Variants in PTPRQ observed in about 807,000 individuals in gnomAD.
The protein encoded by PTPRQ is protein tyrosine phosphatase receptor type Q, also known as phosphatidylinositol phosphatase PTPRQ.
A neutral mutation model predicts 246.0 loss-of-function variants in PTPRQ; 199 were observed. That is an observed-to-expected ratio of 0.81 (90% CI 0.72 to 0.91). The LOEUF (loss-of-function observed/expected upper bound fraction) is 0.91. Among genes scored for constraint, PTPRQ ranks in the 40% least tolerant of loss-of-function variants. The probability of loss-of-function intolerance (pLI) is 0.00; values close to 1 mark genes in which losing one functional copy is unlikely to be tolerated. For missense variants in PTPRQ, 2,624 were observed against 2,528.4 expected (o/e 1.04, Z -0.81); for synonymous variants, 869 against 853.2 (o/e 1.02, Z -0.32).
chr12:80,621,968 T>C (rs921382823), intron 32 of PTPRQ, 93 bp from the exon 33 acceptor site: 1 of 889,266 alleles, frequency 1.1e-6, no homozygotes, highest in Non-Finnish European at 1.6e-6. Flanking sequence ...TCTTTTGAAT[T>C]AAATAAATAG....
At chr12:80,669,787 T>C (rs929944738) in intron 41 of PTPRQ, among the ~76,000 whole-genome samples, 1 of 152,058 alleles carries the variant, frequency 6.6e-6, no homozygotes, top group African/African-American at 2.4e-5. Context: ...AATATCTGAC[T>C]TGAGACAGCA....
chr12:80,570,856 G>C (rs1018107346), intron 25 of PTPRQ, among the ~76,000 whole-genome samples: 3 of 152,110 alleles, frequency 2.0e-5, no homozygotes, highest in African/African-American at 7.2e-5. Context: ...TTTCCCCATT[G>C]CTTGTTTCTG....
At chr12:80,640,620 G>A (rs1414306494) in intron 35 of PTPRQ, among the ~76,000 whole-genome samples, 1 of 152,128 alleles carries the variant, frequency 6.6e-6, no homozygotes, top group Admixed American at 6.6e-5. Flanking sequence ...TTGTCATCCA[G>A]TAAGTTACTG....
chr12:80,616,546 G>A (rs1050160761), intron 30 of PTPRQ, among the ~76,000 whole-genome samples: 8 of 150,730 alleles, frequency 5.3e-5, no homozygotes, highest in South Asian at 2.1e-4. Flanking sequence ...TTTATAGTCC[G>A]TTATTTGATG....
At chr12:80,579,828 T>C (rs1035938273) in intron 25 of PTPRQ, among the ~76,000 whole-genome samples, 1 of 152,190 alleles carries the variant, frequency 6.6e-6, no homozygotes, top group Non-Finnish European at 1.5e-5. Context: ...ATTTAAAATT[T>C]CTAGAGACAA....
chr12:80,569,910 A>T (rs1167900835), intron 25 of PTPRQ, among the ~76,000 whole-genome samples: 1 of 151,968 alleles, frequency 6.6e-6, no homozygotes, highest in African/African-American at 2.4e-5. Context: ...AAGGACATGA[A>T]CTCATTCTTT....
chr12:80,513,670 C>T (rs1895192510), intron 17 of PTPRQ, among the ~76,000 whole-genome samples: 2 of 152,148 alleles, frequency 1.3e-5, no homozygotes, highest in Non-Finnish European at 2.9e-5. Flanking sequence ...CCCGCACTTC[C>T]CTGCCCCCAC....
chr12:80,568,784 CCAAT>C (rs1169214464), intron 25 of PTPRQ, among the ~76,000 whole-genome samples: 3 of 152,132 alleles, frequency 2.0e-5, no homozygotes, highest in Non-Finnish European at 4.4e-5. Flanking sequence ...TGCACAATGA[CCAAT>C]CAATGACAGA....
intron 6 of PTPRQ, among the ~76,000 whole-genome samples, chr12:80,461,441 G>A (rs1049918769): frequency 6.6e-6 from 1 of 152,042 alleles, no homozygotes; most frequent in Admixed American, 6.6e-5. Flanking sequence ...AGAATAATTA[G>A]ATATTATCAT....
intron 39 of PTPRQ, among the ~76,000 whole-genome samples, chr12:80,664,677 T>C (rs1281333354): frequency 6.6e-6 from 1 of 152,032 alleles, no homozygotes; most frequent in Non-Finnish European, 1.5e-5. Flanking sequence ...TCCCTTCTCT[T>C]ATTTCTTCAG....
intron 25 of PTPRQ, chr12:80,583,979 A>C (rs1442663404): frequency 1.3e-5 from 2 of 152,192 alleles, no homozygotes; most frequent in East Asian, 3.9e-4. Flanking sequence ...CTTGAGAGCC[A>C]ACAATAGAGA....
rs372370851 is a variant in PTPRQ, at chr12:80,654,036, TTTTC to T, written c.6115+1214_6115+1217del. Among the ~76,000 whole-genome samples, 1,348 of 147,242 alleles carry T rather than the reference TTTTC, an allele frequency of 9.2e-3. 16 individuals are homozygous for T. The highest frequency in any genetic ancestry group is 0.03 in the African/African-American group (1,110 of 37,080). On this transcript the variant is annotated intron_variant, in intron 38 of 44. Coordinates refer to ENST00000644991, the MANE Select transcript of PTPRQ (RefSeq NM_001145026.2). Reference sequence around the variant, plus strand: ...CTTTCTTTTTTTCTTTCTTTCTTTTTTTTCTTTCTTTCTTTTCTTTCTTTCTCTC... The same window carrying T: ...CTTTCTTTTTTTCTTTCTTTCTTTTTTTTCTTTCTTTTCTTTCTTTCTCTC...
chr12:80,561,767 A>T lies in PTPRQ; in HGVS notation c.4285+12033A>T, dbSNP rs77409642. Among the ~76,000 whole-genome samples, 1,456 of 151,916 alleles carry T rather than the reference A, an allele frequency of 9.6e-3. 18 individuals are homozygous for T. The highest frequency in any genetic ancestry group is 0.033 in the African/African-American group (1,380 of 41,396). ...TTTTGCTTCTTCCTTTCTCATCTGT[A>T]TGCCTTTTGTTTTTTCTGTCTTACT... On this transcript the variant is annotated intron_variant, in intron 25 of 44. Coordinates refer to ENST00000644991, the MANE Select transcript of PTPRQ (RefSeq NM_001145026.2).
intron 35 of PTPRQ, among the ~76,000 whole-genome samples, chr12:80,645,850 A>G (rs531553146): frequency 6.6e-6 from 1 of 152,138 alleles, no homozygotes; most frequent in Non-Finnish European, 1.5e-5. Flanking sequence ...AACAGGATGC[A>G]TGAAGAGGAG....
At chr12:80,639,962 T>A (rs537068210) in intron 35 of PTPRQ, among the ~76,000 whole-genome samples, 1 of 152,050 alleles carries the variant, frequency 6.6e-6, no homozygotes, top group South Asian at 2.1e-4. Context: ...TCTAAGGTCA[T>A]ACAGCTAATA....
intron 10 of PTPRQ, 118 bp downstream of exon 10, chr12:80,493,573 G>T (rs961165747): frequency 7.4e-7 from 1 of 1,356,856 alleles, no homozygotes; most frequent in Non-Finnish European, 9.5e-7. Context: ...GCTGGAGTCG[G>T]ATTTTTTTTT....
chr12:80,445,790 A>T (rs1254701623), intron 3 of PTPRQ, 73 bp downstream of exon 3: 4 of 1,056,946 alleles, frequency 3.8e-6, no homozygotes, highest in Non-Finnish European at 4.3e-6. Flanking sequence ...GGTTTTTCTC[A>T]CCTTGTCAAG....
chr12:80,522,110 T>C (rs1364791745), intron 17 of PTPRQ, among the ~76,000 whole-genome samples: 6 of 152,178 alleles, frequency 3.9e-5, no homozygotes, highest in Non-Finnish European at 7.4e-5. Flanking sequence ...AGGTATTTTA[T>C]TCTCTTTGAA....
At chr12:80,647,355 T>C (rs1219083225) in intron 35 of PTPRQ, among the ~76,000 whole-genome samples, 1 of 152,130 alleles carries the variant, frequency 6.6e-6, no homozygotes, top group Non-Finnish European at 1.5e-5. Flanking sequence ...ATCTCAGTCA[T>C]TTATATCTTA....
Sources: allele counts gnomAD v4.1 joint callset (sites outside exome capture counted in the v4.1 genomes callset), GRCh38; gene constraint gnomAD v4.1.1; transcripts MANE v1.5; gene names NCBI Gene and HGNC (gene_info 2026-07-23, HGNC 2026-07-21).